Variants in ANLN observed in about 807,000 individuals in gnomAD.
The protein encoded by ANLN is anillin, actin binding protein.
In ANLN, 59 loss-of-function variants were observed where a neutral mutation model predicts 135.1. The observed-to-expected ratio is 0.44, with a 90% CI of 0.35 to 0.54. The LOEUF is 0.54. Ranked by LOEUF, ANLN falls within the 20% of genes least tolerant of loss-of-function variation. The pLI is 0.00. For synonymous variants in ANLN, 406 were observed against 456.4 expected, an observed-to-expected ratio of 0.89 and a Z score of 1.41; for missense variants, 1,182 against 1,340.0, an observed-to-expected ratio of 0.88 and a Z score of 1.84.
rs545330663 is a variant in ANLN at position 36,435,832 on chromosome 7, CA to C, written c.2884-3371del. Among the ~76,000 whole-genome samples, 8 of 129,386 alleles carry C rather than the reference CA, an allele frequency of 6.2e-5. No homozygotes were observed. In the East Asian group the frequency reaches 1.2e-3, roughly 19 times the overall value. The allele number at this position is 129,386 out of a possible 152,430, so 84.9% of individuals were successfully genotyped here. On this transcript the variant is annotated intron_variant, in intron 20 of 23. Coordinates refer to ENST00000265748, the MANE Select transcript of ANLN (RefSeq NM_018685.5). ...AGCTTGCAGTGAGCCGAGATCGCGC[CA>C]CTGCACTCCAGCCTGGGCGACAGAG...
intron 1 of ANLN, among the ~76,000 whole-genome samples, chr7:36,395,150 A>G (rs1384665330): frequency 1.3e-5 from 2 of 152,212 alleles, no homozygotes; most frequent in African/African-American, 4.8e-5. Flanking sequence ...GTTATCACAA[A>G]TTTAGTGGCC....
intron 1 of ANLN, among the ~76,000 whole-genome samples, chr7:36,394,699 T>TA (rs1786626754): frequency 6.7e-6 from 1 of 150,216 alleles, no homozygotes; most frequent in Non-Finnish European, 1.5e-5. Context: ...CTCAGATTTT[T>TA]AAAAAATTGT....
intron 21 of ANLN, 138 bp from the exon 22 acceptor site, chr7:36,443,617 C>T (rs1469548103): frequency 3.5e-6 from 2 of 575,234 alleles, no homozygotes; most frequent in Non-Finnish European, 6.2e-6. Context: ...AGATAAAAGA[C>T]ATGATAAAAA....
intron 23 of ANLN, 111 bp from the exon 24 acceptor site, chr7:36,452,366 A>C (rs1789280901): frequency 1.4e-6 from 2 of 1,390,072 alleles, no homozygotes; most frequent in Non-Finnish European, 2.0e-6. Flanking sequence ...AGGTGGTTAA[A>C]GGTAATTCAT....
chr7:36,390,150 G>T (rs1281115398), intron 1 of ANLN, 106 bp downstream of exon 1: 1 of 1,582,590 alleles, frequency 6.3e-7, no homozygotes, highest in Non-Finnish European at 8.6e-7. Flanking sequence ...GAGGGCGCGT[G>T]TGTGCGCGCG....
chr7:36,400,113 A>C (rs557428896), intron 3 of ANLN, among the ~76,000 whole-genome samples: 1 of 152,350 alleles, frequency 6.6e-6, no homozygotes, highest in South Asian at 2.1e-4. Flanking sequence ...CATTTTATTA[A>C]ATGCAGACTG....
chr7:36,444,813 A>C (rs1246130077), intron 22 of ANLN, among the ~76,000 whole-genome samples: 1 of 152,066 alleles, frequency 6.6e-6, no homozygotes, highest in Admixed American at 6.5e-5. Flanking sequence ...TGCTTTTTAT[A>C]ATCTGATTTT....
In ANLN at chr7:36,430,341, C is replaced by T. The variant is rs552292432; in HGVS notation, c.2883+3313C>T. Among the ~76,000 whole-genome samples the T allele has an allele frequency of 1.3e-3, 205 of 152,304 alleles. 1 individual carries two copies. Among genetic ancestry groups the T allele is most frequent in the African/African-American group, 4.6e-3 (193 of 41,560 alleles). On this transcript the variant is annotated intron_variant, in intron 20 of 23. Transcript: ENST00000265748. ...TGTTGAGGTTAATCCAGTTGGTTTG[C>T]TCTGCGGATTTAGGACACCACTGTC...
intron 20 of ANLN, among the ~76,000 whole-genome samples, chr7:36,436,828 G>T (rs892452331): frequency 6.6e-6 from 1 of 152,116 alleles, no homozygotes. Flanking sequence ...AGTTGTTTTA[G>T]TTGGGTTGTC....
At chr7:36,424,191 AC>A (rs1355068496) in intron 15 of ANLN, among the ~76,000 whole-genome samples, 24 of 152,244 alleles carry the variant, frequency 1.6e-4, no homozygotes, top group Admixed American at 1.6e-3. Context: ...TATACATTAA[AC>A]CTGGACCATA....
In ANLN at chr7:36,394,155, G is replaced by A. The variant is rs571255268; in HGVS notation, c.19-2111G>A. On this transcript the variant is annotated intron_variant, in intron 1 of 23. Coordinates refer to ENST00000265748, the MANE Select transcript of ANLN (RefSeq NM_018685.5). ...ACTTTTGTATGTTTTGCAGAGACAG[G>A]ATCTTGCTTTGTTGCCTAGGCTTGA... Among the ~76,000 whole-genome samples, 3 of 152,316 alleles carry A rather than the reference G, an allele frequency of 2.0e-5. No individual in the cohort carries two copies. In the South Asian group the frequency reaches 6.2e-4, roughly 32 times the overall value.
rs754339445 is a variant in ANLN at position 36,411,093 on chromosome 7, G to A, written c.1322G>A (p.Arg441Gln). The change falls in exon 7 of 24, where the codon CGA (arginine) becomes CAA (glutamine). Residue 441 changes from arginine (R) to glutamine (Q), a missense_variant. Physicochemically the swap from Arg to Gln is conservative, Grantham distance 43. Transcript: ENST00000265748. ...AAAGAACTAGCATGTCTTCGTGGCC[G>A]ATTTGACAAGGGCAATATATGGAGT... is the stretch of plus-strand genomic sequence containing the variant. ...RQKELACLRGRFDKGNIWSAE... is the reference protein window; with the variant it reads ...RQKELACLRGQFDKGNIWSAE... 66 of 1,610,042 alleles carry A rather than the reference G, an allele frequency of 4.1e-5. No homozygotes were observed. The highest frequency in any genetic ancestry group is 1.5e-4 in the African/African-American group (11 of 74,572).
In ANLN at chr7:36,389,904, G is replaced by C. The variant is rs1377069139; in HGVS notation, c.-123G>C. 3.8e-6 allele frequency: 6 copies of C among 1,566,126 alleles called. No individual in the cohort carries two copies. Among genetic ancestry groups the C allele is most frequent in the Non-Finnish European group, 4.4e-6 (5 of 1,141,262 alleles). On this transcript the variant is annotated 5_prime_UTR_variant, in exon 1 of 24. Transcript: ENST00000265748. ...CCGAGAGGAGAGGACAGCTGGTTGT[G>C]GGAGAGTTCCCCCGCCTCAGACTCC... is the stretch of plus-strand genomic sequence containing the variant.
intron 23 of ANLN, among the ~76,000 whole-genome samples, chr7:36,450,784 G>A (rs778615631): frequency 2.0e-5 from 3 of 152,122 alleles, no homozygotes; most frequent in Non-Finnish European, 2.9e-5. Flanking sequence ...CCATGGTCAC[G>A]GTCAGTGGAG....
chr7:36,392,795 GA>G (rs1786533566), intron 1 of ANLN, among the ~76,000 whole-genome samples: 1 of 151,522 alleles, frequency 6.6e-6, no homozygotes, highest in African/African-American at 2.4e-5. Flanking sequence ...GTAAGCAATA[GA>G]ACATTCATAT....
In ANLN at chr7:36,401,660, A is replaced by G. The variant is rs1315507668; in HGVS notation, c.487+2267A>G. Among the ~76,000 whole-genome samples, 2 of 120,744 alleles carry G rather than the reference A, an allele frequency of 1.7e-5. 1 individual carries two copies. The highest frequency in any genetic ancestry group is 3.6e-5 in the Non-Finnish European group (2 of 54,906). 79.2% of individuals were successfully genotyped at this position (120,744 alleles called of 152,430 possible). A position where few individuals can be genotyped will look rare whatever the true frequency, so the allele number is the denominator to read the frequency against. On this transcript the variant is annotated intron_variant, in intron 3 of 23. Transcript: ENST00000265748. ...GGCCACCTGATGTTTTTTGGCACATAGCATAGTCTATGGTGTCAATTAATA... is the reference window on the plus strand; with the variant it reads ...GGCCACCTGATGTTTTTTGGCACATGGCATAGTCTATGGTGTCAATTAATA...
chr7:36,417,957 G>A (rs1222573852), intron 9 of ANLN, among the ~76,000 whole-genome samples: 1 of 152,100 alleles, frequency 6.6e-6, no homozygotes, highest in African/African-American at 2.4e-5. Flanking sequence ...TTACAGGCGT[G>A]AGCCACCATA....
intron 2 of ANLN, among the ~76,000 whole-genome samples, chr7:36,397,182 A>G (rs1350957074): frequency 2.0e-5 from 3 of 152,124 alleles, no homozygotes; most frequent in Admixed American, 2.0e-4. Flanking sequence ...AGAAGTGTAC[A>G]TGGGGCTAGC....
At chr7:36,431,617 AAT>A (rs1554347114) in intron 20 of ANLN, among the ~76,000 whole-genome samples, 1 of 67,376 alleles carries the variant, frequency 1.5e-5, no homozygotes, top group African/African-American at 5.8e-5. Context: ...ATATATATAT[AAT>A]ATATATATAT....
Sources: gnomAD v4.1 joint callset for allele counts (sites outside exome capture counted in the v4.1 genomes callset) on GRCh38, gnomAD v4.1.1 for gene constraint, MANE v1.5 for transcripts, NCBI Gene and HGNC (gene_info 2026-07-23, HGNC 2026-07-21) for gene names.